Variants in MGAT4C observed in about 807,000 individuals in gnomAD.
MGAT4C encodes alpha-1,3-mannosyl-glycoprotein 4-beta-N-acetylglucosaminyltransferase C.
Under a neutral mutation model 40.1 loss-of-function variants are expected in MGAT4C, and 19 were observed. The ratio of observed to expected loss-of-function variants is 0.47; its 90% CI spans 0.33 to 0.70. The LOEUF is 0.70. Among genes scored for constraint, MGAT4C ranks in the 30% least tolerant of loss-of-function variants. The pLI is 0.02. For synonymous variants in MGAT4C, 181 were observed against 187.1 expected (o/e 0.97, Z 0.27); for missense variants, 491 against 563.2 (o/e 0.87, Z 1.30).
At chr12:86,665,742 C>A (rs1280833160) in intron 2 of MGAT4C, among the ~76,000 whole-genome samples, 1 of 152,088 alleles carries the variant, frequency 6.6e-6, no homozygotes, top group Admixed American at 6.5e-5. Flanking sequence ...AATTTCGATT[C>A]TTCTTGTTTG....
intron 3 of MGAT4C, among the ~76,000 whole-genome samples, chr12:86,366,409 T>C (rs972625120): frequency 5.9e-5 from 9 of 152,194 alleles, no homozygotes; most frequent in African/African-American, 1.4e-4. Flanking sequence ...GCTAGGACTT[T>C]TGGTACTATG....
rs557216522 is a variant in MGAT4C, at chr12:86,499,678, T to C, written c.-228-64413A>G. On this transcript the variant is annotated intron_variant, in intron 2 of 7. Coordinates refer to the MGAT4C transcript ENST00000548651. ...TTTGCCTGGACTGGTACAATCACTT[T>C]CTAATAATTCTCATTTTTCCATTCT... Among the ~76,000 whole-genome samples, 10 of 152,048 alleles carry C rather than the reference T, an allele frequency of 6.6e-5. No homozygotes were observed. The East Asian group carries it at 1.7e-3, about 26-fold the overall frequency.
intron 2 of MGAT4C, among the ~76,000 whole-genome samples, chr12:86,686,208 T>G (rs1488135198): frequency 6.6e-6 from 1 of 152,082 alleles, no homozygotes; most frequent in African/African-American, 2.4e-5. Flanking sequence ...ACATTGATTT[T>G]GTATTCTGAG....
At chr12:86,618,481 A>G (rs1962531987) in intron 2 of MGAT4C, among the ~76,000 whole-genome samples, 1 of 152,230 alleles carries the variant, frequency 6.6e-6, no homozygotes, top group African/African-American at 2.4e-5. Context: ...ACACAACTGA[A>G]TACTATTTGG....
At chr12:85,986,608 T>A (rs1390968952) in intron 3 of MGAT4C, among the ~76,000 whole-genome samples, 1 of 152,222 alleles carries the variant, frequency 6.6e-6, no homozygotes, top group African/African-American at 2.4e-5. Context: ...CCAGAGACCT[T>A]ACTACTTCTA....
In MGAT4C at chr12:86,641,453, G is replaced by A. The variant is rs1040497791; in HGVS notation, c.-229+85756C>T. On this transcript the variant is annotated intron_variant, in intron 2 of 7. Transcript: ENST00000548651. ...GTTAATGGGTGCAGCACACCAGCATGGCACATGTATACATATGTAACTAAT... is the reference window on the plus strand; with the variant it reads ...GTTAATGGGTGCAGCACACCAGCATAGCACATGTATACATATGTAACTAAT... Among the ~76,000 whole-genome samples, 6 of 151,388 alleles carry A rather than the reference G, an allele frequency of 4.0e-5. No individual in the cohort carries two copies. The Admixed American group carries it at 4.0e-4, about 10-fold the overall frequency.
In MGAT4C at chr12:86,416,920, A is replaced by G. The variant is rs79425386; in HGVS notation, c.-120+18237T>C. ...TTAATATGAATCCAGAAGTCAGAAA[A>G]AGCAAGGAAAGATTATTTCCTACAG... is the stretch of plus-strand genomic sequence containing the variant. On this transcript the variant is annotated intron_variant, in intron 3 of 7. Coordinates refer to the MGAT4C transcript ENST00000548651. 7.9e-3 allele frequency among the ~76,000 whole-genome samples: 1,197 copies of G among 152,262 alleles called. 24 individuals are homozygous for G. The highest frequency in any genetic ancestry group is 0.06 in the East Asian group (310 of 5,180).
chr12:86,239,066 T>A (rs2136037879), intron 1 of MGAT4C, among the ~76,000 whole-genome samples: 1 of 152,206 alleles, frequency 6.6e-6, no homozygotes, highest in Middle Eastern at 3.4e-3. Flanking sequence ...AACTTTTTTT[T>A]TATAGTGGCA....
chr12:85,982,621 A>G, intron 4 of MGAT4C, among the ~76,000 whole-genome samples: 1 of 152,214 alleles, frequency 6.6e-6, no homozygotes, highest in East Asian at 1.9e-4. Context: ...ACTTTTTGTA[A>G]GCTATGGTGT....
chr12:86,835,855 C>CCA (rs1036635307), intron 1 of MGAT4C, among the ~76,000 whole-genome samples: 12 of 151,072 alleles, frequency 7.9e-5, no homozygotes, highest in African/African-American at 2.7e-4. Context: ...AAACCCCCCT[C>CCA]CACACACACA....
chr12:86,663,231 A>T (rs993650755), intron 2 of MGAT4C, among the ~76,000 whole-genome samples: 1 of 151,490 alleles, frequency 6.6e-6, no homozygotes, highest in Non-Finnish European at 1.5e-5. Flanking sequence ...ACAGTAGTGC[A>T]TGTCTGTAGT....
intron 2 of MGAT4C, among the ~76,000 whole-genome samples, chr12:86,047,555 C>T (rs180745740): frequency 3.3e-4 from 51 of 152,252 alleles, no homozygotes; most frequent in Admixed American, 1.8e-3. Context: ...ATTTTGACTG[C>T]TTCATGATGA....
chr12:86,048,603 A>G (rs1892625526), intron 2 of MGAT4C, among the ~76,000 whole-genome samples: 1 of 152,130 alleles, frequency 6.6e-6, no homozygotes, highest in South Asian at 2.1e-4. Flanking sequence ...GAAAAAAGGA[A>G]GAGATATGGA....
intron 1 of MGAT4C, among the ~76,000 whole-genome samples, chr12:86,055,687 CAT>C (rs1893315400): frequency 6.6e-6 from 1 of 151,968 alleles, no homozygotes; most frequent in African/African-American, 2.4e-5. Flanking sequence ...TTACCACAAA[CAT>C]ATAAGGGTTT....
chr12:86,787,213 A>C (rs1191373698), intron 1 of MGAT4C, among the ~76,000 whole-genome samples: 2 of 152,112 alleles, frequency 1.3e-5, no homozygotes, highest in African/African-American at 4.8e-5. Context: ...CACATTGTTT[A>C]GCTCTCACTT....
intron 1 of MGAT4C, among the ~76,000 whole-genome samples, chr12:86,754,926 T>C (rs1951276678): frequency 1.3e-5 from 2 of 152,260 alleles, no homozygotes; most frequent in East Asian, 1.9e-4. Flanking sequence ...AATCAGACTT[T>C]AGTTTTTAAT....
chr12:86,775,994 C>T (rs1197978942), intron 1 of MGAT4C, among the ~76,000 whole-genome samples: 3 of 151,882 alleles, frequency 2.0e-5, no homozygotes, highest in Non-Finnish European at 4.4e-5. Flanking sequence ...TAACTTATGA[C>T]TTTTAAAATT....
chr12:86,235,212 C>T (rs187805195), intron 1 of MGAT4C, among the ~76,000 whole-genome samples: 1 of 152,096 alleles, frequency 6.6e-6, no homozygotes, highest in African/African-American at 2.4e-5. Flanking sequence ...ACTCCACTTG[C>T]TCAGATTCAT....
intron 2 of MGAT4C, among the ~76,000 whole-genome samples, chr12:86,650,090 G>A (rs1439837611): frequency 6.6e-6 from 1 of 151,600 alleles, no homozygotes; most frequent in East Asian, 1.9e-4. Flanking sequence ...ACTTTTTCAT[G>A]GCATTCTATA....
Sources: gnomAD v4.1 joint callset for allele counts (sites outside exome capture counted in the v4.1 genomes callset) on GRCh38, gnomAD v4.1.1 for gene constraint, MANE v1.5 for transcripts, NCBI Gene and HGNC (gene_info 2026-07-23, HGNC 2026-07-21) for gene names.